The following CCN3 variants were observed in gnomAD, a reference collection of about 807,000 sequenced individuals.
The protein encoded by CCN3 is cellular communication network factor 3, also known as CCN family member 3.
A neutral mutation model predicts 33.4 loss-of-function variants in CCN3; 20 were observed. That is an observed-to-expected ratio of 0.60 (90% CI 0.42 to 0.87). The LOEUF is 0.87. CCN3 is among the 40% of genes least tolerant of loss of function. The probability of loss-of-function intolerance (pLI) is 0.00; values close to 1 mark genes in which losing one functional copy is unlikely to be tolerated. For synonymous variants in CCN3, 205 were observed against 170.4 expected, an observed-to-expected ratio of 1.20 and a Z score of -1.58; for missense variants, 465 against 455.3, an observed-to-expected ratio of 1.02 and a Z score of -0.19.
chr8:119,416,676 T>A, intron 1 of CCN3, 60 bp downstream of exon 1: 1 of 1,588,262 alleles, frequency 6.3e-7, no homozygotes. Context: ...TGGCCCCCAT[T>A]TGGTCACCGG....
intron 3 of CCN3, 62 bp from the exon 4 acceptor site, chr8:119,419,069 G>A (rs1820090061): frequency 7.4e-7 from 1 of 1,359,244 alleles, no homozygotes; most frequent in East Asian, 2.3e-5. Flanking sequence ...TGGCTGAAAA[G>A]GACCACTTTC....
In CCN3 at chr8:119,418,091, TC is replaced by T. The variant is rs1360335022; in HGVS notation, c.345del (p.Ile116SerfsTer80). ...VEGDNCVFDG[V>X]IYRSGEKFQP... The stretch of plus-strand genomic sequence containing the variant: ...GGAGATAACTGTGTGTTCGATGGGG[TC>T]ATCTACCGCAGTGGAGAGAAATTTC... On this transcript the variant is annotated frameshift_variant, in exon 3 of 5. Transcript: ENST00000259526. LOFTEE classifies it high-confidence loss of function. The T allele has an allele frequency of 6.2e-7, 1 of 1,614,120 alleles. No homozygotes were observed. The highest frequency in any genetic ancestry group is 1.1e-5 in the South Asian group (1 of 91,078).
chr8:119,417,343 C>A (rs1451842711), intron 2 of CCN3, among the ~76,000 whole-genome samples: 1 of 152,180 alleles, frequency 6.6e-6, no homozygotes, highest in Non-Finnish European at 1.5e-5. Flanking sequence ...CTCACAGTTT[C>A]CCAAACTGCA....
intron 4 of CCN3, chr8:119,420,108 C>T (rs1820103439): frequency 1.3e-5 from 2 of 152,092 alleles, no homozygotes; most frequent in South Asian, 4.2e-4. Context: ...AAACCTAAGA[C>T]TAAAATAAAA....
Position 119,423,339 on chromosome 8 carries a change from A to G in CCN3, c.*207A>G, listed in dbSNP as rs1820153623. ...GTAAACTTGGAATCAAGGTAAGCTC[A>G]GGATATGGCTTAGGAATGACTTACT... On this transcript the variant is annotated 3_prime_UTR_variant, in exon 5 of 5. Transcript: ENST00000259526. The G allele has an allele frequency of 1.4e-5, 7 of 508,290 alleles. No individual in the cohort carries two copies. Among genetic ancestry groups the G allele is most frequent in the Non-Finnish European group, 2.4e-5 (7 of 289,604 alleles). 31.5% of individuals were successfully genotyped at this position (508,290 alleles called of 1,614,324 possible).
chr8:119,424,140 C>T lies in CCN3; in HGVS notation c.*1008C>T, dbSNP rs1204945567. The T allele has an allele frequency of 1.3e-5, 2 of 152,164 alleles. No homozygotes were observed. The highest frequency in any genetic ancestry group is 2.9e-5 in the Non-Finnish European group (2 of 68,018). The allele number at this position is 152,164 out of a possible 1,614,324, so 9.4% of individuals were successfully genotyped here. A position where few individuals can be genotyped will look rare whatever the true frequency, so the allele number is the denominator to read the frequency against. ...TCCTTGGGCCATAATTATGAAAACT[C>T]ATGATCAAGATATATGTGTATACAT... On this transcript the variant is annotated 3_prime_UTR_variant, in exon 5 of 5. Coordinates refer to ENST00000259526, the MANE Select transcript of CCN3 (RefSeq NM_002514.4).
In CCN3 at chr8:119,422,827, C is replaced by A; in HGVS notation, c.778-9C>A. 6.3e-7 allele frequency: 1 copy of A among 1,584,154 alleles called. No individual in the cohort carries two copies. Among genetic ancestry groups the A allele is most frequent in the Non-Finnish European group, 8.6e-7 (1 of 1,165,148 alleles). On this transcript the variant is annotated splice_polypyrimidine_tract_variant and intron_variant, in intron 4 of 4. Transcript: ENST00000259526. ...CCATTCAATACATCACTTCTTTTTT[C>A]TTTCTTAGAAAGGAAAAAAGTGTCT...
chr8:119,418,034 CA>C, intron 2 of CCN3, 23 bp from the exon 3 acceptor site: 1 of 1,598,412 alleles, frequency 6.3e-7, no homozygotes, highest in South Asian at 1.1e-5. Context: ...CTTTGCTTTT[CA>C]CTTTGCTTCC....
At chr8:119,419,385 G>C (rs747764249) in intron 4 of CCN3, 40 bp downstream of exon 4, 6 of 1,591,942 alleles carry the variant, frequency 3.8e-6, no homozygotes, top group Middle Eastern at 2.2e-4. Context: ...GAAGGTAATG[G>C]CCTTGTGTCC....
In CCN3 at chr8:119,423,182, C is replaced by G; in HGVS notation, c.*50C>G. On this transcript the variant is annotated 3_prime_UTR_variant, in exon 5 of 5. Transcript: ENST00000259526. ...CAGAGCACCTGTAGCTGCTGCGCCA[C>G]CCACCATCAAAGGAATATAAGAAAA... The G allele has an allele frequency of 6.7e-7, 1 of 1,497,316 alleles. No individual in the cohort carries two copies. Among genetic ancestry groups the G allele is most frequent in the Non-Finnish European group, 9.1e-7 (1 of 1,095,788 alleles). 92.8% of individuals were successfully genotyped at this position (1,497,316 alleles called of 1,614,324 possible).
rs575617262 is a variant in CCN3 at position 119,420,875 on chromosome 8, T to G, written c.777+1530T>G. ...CAAAATTTGTATTTTTTCTTGTAACTTGAATCTTCTTTAATATTTGGATAT... is the reference window on the plus strand; with the variant it reads ...CAAAATTTGTATTTTTTCTTGTAACGTGAATCTTCTTTAATATTTGGATAT... On this transcript the variant is annotated intron_variant, in intron 4 of 4. Transcript: ENST00000259526. Among the ~76,000 whole-genome samples the G allele has an allele frequency of 5.3e-5, 8 of 152,318 alleles. No homozygotes were observed. In the East Asian group the frequency reaches 1.5e-3, roughly 29 times the overall value.
intron 4 of CCN3, chr8:119,419,889 C>T (rs1487772775): frequency 6.5e-6 from 1 of 153,976 alleles, no homozygotes; most frequent in Non-Finnish European, 1.4e-5. Context: ...CATTTGCCAG[C>T]ATAAAGCAAT....
intron 4 of CCN3, among the ~76,000 whole-genome samples, chr8:119,420,645 C>A (rs893549298): frequency 6.6e-6 from 1 of 152,190 alleles, no homozygotes; most frequent in Non-Finnish European, 1.5e-5. Context: ...CATAAGCAGT[C>A]TCACATACAA....
In CCN3 at chr8:119,418,327, CCTAGGG is replaced by C; in HGVS notation, c.562+21_562+26del. ...CCTTGCAGGTGAGAAACTCAATATA[CCTAGGG>C]CTGGTCATAGTAGAGGGTAAATACA... On this transcript the variant is annotated intron_variant, in intron 3 of 4. Transcript: ENST00000259526. 1 of 1,612,802 alleles carries C rather than the reference CCTAGGG, an allele frequency of 6.2e-7. No individual in the cohort carries two copies. Among genetic ancestry groups the C allele is most frequent in the African/African-American group, 1.3e-5 (1 of 74,994 alleles).
intron 4 of CCN3, 102 bp from the exon 5 acceptor site, chr8:119,422,734 A>G: frequency 1.1e-6 from 1 of 917,328 alleles, no homozygotes. Context: ...AAGAAAGACC[A>G]ATAGATATTG....
In CCN3 at chr8:119,418,168, G is replaced by A; in HGVS notation, c.421G>A (p.Val141Met). 1 of 1,614,224 alleles carries A rather than the reference G, an allele frequency of 6.2e-7. No individual in the cohort carries two copies. The change falls in exon 3 of 5, where the codon GTG becomes ATG. Residue 141 changes from valine to methionine, a missense_variant. Physicochemically the swap from Val to Met is conservative, Grantham distance 21. Transcript: ENST00000259526. ...CTGCAGAGATGGGCAGATTGGCTGTGTGCCCCGCTGTCAGCTGGATGTGCT... is the reference window on the plus strand; with the variant it reads ...CTGCAGAGATGGGCAGATTGGCTGTATGCCCCGCTGTCAGCTGGATGTGCT... ...CTCRDGQIGC[V>M]PRCQLDVLLP...
At chr8:119,420,721 G>T (rs536551099) in intron 4 of CCN3, among the ~76,000 whole-genome samples, 1 of 152,180 alleles carries the variant, frequency 6.6e-6, no homozygotes, top group East Asian at 1.9e-4. Context: ...AAGAATACAC[G>T]CTAAATATTA....
Position 119,416,571 on chromosome 8 carries a change from G to A in CCN3, c.39G>A (p.Lys13=). 6.2e-7 allele frequency: 1 copy of A among 1,614,088 alleles called. No individual in the cohort carries two copies. The highest frequency in any genetic ancestry group is 8.5e-7 in the Non-Finnish European group (1 of 1,179,996). The stretch of plus-strand genomic sequence containing the variant: ...AGAGCACGAGCTTTTGTCTCCGAAA[G>A]CAGTGCCTTTGCCTGACCTTCCTGC... ...SVQSTSFCLR[K]QCLCLTFLLL... The change falls in exon 1 of 5, where the codon AAG becomes AAA. Residue 13 remains lysine, a synonymous_variant. Transcript: ENST00000259526.
chr8:119,419,386 C>T (rs758293844), intron 4 of CCN3, 41 bp downstream of exon 4: 1 of 1,581,766 alleles, frequency 6.3e-7, no homozygotes, highest in South Asian at 1.1e-5. Flanking sequence ...AAGGTAATGG[C>T]CTTGTGTCCT....
Sources: gnomAD v4.1 joint callset for allele counts (sites outside exome capture counted in the v4.1 genomes callset) on GRCh38, gnomAD v4.1.1 for gene constraint, MANE v1.5 for transcripts, NCBI Gene and HGNC (gene_info 2026-07-23, HGNC 2026-07-21) for gene names.